The following OPCML variants were observed in gnomAD, a reference collection of about 807,000 sequenced individuals.
OPCML encodes the protein opioid-binding protein/cell adhesion molecule.
In OPCML, 13 loss-of-function variants were observed where a neutral mutation model predicts 37.8. The ratio of observed to expected loss-of-function variants is 0.34; its 90% CI spans 0.22 to 0.55. The LOEUF (loss-of-function observed/expected upper bound fraction) is 0.55, where lower values mean the gene tolerates loss of function less well. Among genes scored for constraint, OPCML ranks in the 20% least tolerant of loss-of-function variants. The pLI is 0.91. For synonymous variants in OPCML, 176 were observed against 168.8 expected, an observed-to-expected ratio of 1.04 and a Z score of -0.33; for missense variants, 341 against 435.6, an observed-to-expected ratio of 0.78 and a Z score of 1.93.
At chr11:132,709,704 T>C (rs1049017546) in intron 2 of OPCML, among the ~76,000 whole-genome samples, 2 of 152,158 alleles carry the variant, frequency 1.3e-5, no homozygotes, top group Non-Finnish European at 2.9e-5. Flanking sequence ...ATTCATGAGA[T>C]GATAGCCACT....
chr11:133,263,021 A>G (rs1941540938), intron 1 of OPCML, among the ~76,000 whole-genome samples: 1 of 151,658 alleles, frequency 6.6e-6, no homozygotes, highest in African/African-American at 2.4e-5. Flanking sequence ...CAAACCAATA[A>G]TGCAAGCAGA....
At chr11:132,469,495 G>A (rs1388983678) in intron 4 of OPCML, among the ~76,000 whole-genome samples, 1 of 150,572 alleles carries the variant, frequency 6.6e-6, no homozygotes, top group Admixed American at 6.6e-5. Context: ...GACTGTGTGT[G>A]TATGTATGTG....
intron 2 of OPCML, among the ~76,000 whole-genome samples, chr11:132,910,304 G>A (rs1011999321): frequency 2.0e-5 from 3 of 152,238 alleles, no homozygotes; most frequent in African/African-American, 7.2e-5. Context: ...CCCCCACAGG[G>A]GCAGGCCGGG....
At chr11:133,432,374 C>G (rs4506667) in intron 1 of OPCML, among the ~76,000 whole-genome samples, 1 of 151,738 alleles carries the variant, frequency 6.6e-6, no homozygotes, top group African/African-American at 2.4e-5. Flanking sequence ...AAAAAACACA[C>G]TTTTTTAGAA....
chr11:132,935,466 T>C (rs1324803733), intron 2 of OPCML, among the ~76,000 whole-genome samples: 2 of 152,226 alleles, frequency 1.3e-5, no homozygotes, highest in Non-Finnish European at 2.9e-5. Flanking sequence ...CAACCACTGA[T>C]AACATTCTTT....
intron 1 of OPCML, among the ~76,000 whole-genome samples, chr11:133,227,033 G>T (rs1294756388): frequency 6.6e-6 from 1 of 152,214 alleles, no homozygotes; most frequent in Non-Finnish European, 1.5e-5. Flanking sequence ...TGCCTCGGCT[G>T]ATGTGCCGGT....
chr11:133,326,146 C>T (rs886095322), intron 1 of OPCML, among the ~76,000 whole-genome samples: 4 of 152,014 alleles, frequency 2.6e-5, no homozygotes, highest in Admixed American at 2.6e-4. Flanking sequence ...CAGTTCATAA[C>T]TGAGTCCTCT....
At chr11:132,959,117 G>A (rs1468721853) in intron 1 of OPCML, among the ~76,000 whole-genome samples, 1 of 152,204 alleles carries the variant, frequency 6.6e-6, no homozygotes, top group African/African-American at 2.4e-5. Context: ...TGTGATTCAT[G>A]GAAGGAGGTC....
At chr11:133,161,213 A>G (rs1031427988) in intron 1 of OPCML, among the ~76,000 whole-genome samples, 4 of 152,254 alleles carry the variant, frequency 2.6e-5, no homozygotes, top group African/African-American at 9.6e-5. Flanking sequence ...GGCTGATTGC[A>G]GTGACAAGAT....
chr11:132,927,239 G>C (rs2659618), intron 2 of OPCML, among the ~76,000 whole-genome samples: 7,957 of 152,176 alleles, frequency 0.052, 314 homozygotes, highest in Middle Eastern at 0.15. Context: ...GATACCCACA[G>C]TGAGATACAT....
intron 4 of OPCML, among the ~76,000 whole-genome samples, chr11:132,504,490 T>C (rs576080131): frequency 1.3e-5 from 2 of 150,986 alleles, no homozygotes; most frequent in South Asian, 4.2e-4. Context: ...GGCTTTCTCA[T>C]GAGGGTGCAG....
At chr11:133,426,626 G>C (rs192387133) in intron 1 of OPCML, among the ~76,000 whole-genome samples, 1 of 152,120 alleles carries the variant, frequency 6.6e-6, no homozygotes, top group Non-Finnish European at 1.5e-5. Context: ...ACCATGCAAG[G>C]AGGCCAAAGT....
At chr11:133,496,073 T>C (rs1947780359) in intron 1 of OPCML, among the ~76,000 whole-genome samples, 1 of 152,224 alleles carries the variant, frequency 6.6e-6, no homozygotes, top group Non-Finnish European at 1.5e-5. Context: ...GAGTTGACTT[T>C]TGTATAATGT....
intron 1 of OPCML, among the ~76,000 whole-genome samples, chr11:132,965,140 C>CG (rs1206317463): frequency 2.0e-5 from 3 of 152,314 alleles, no homozygotes; most frequent in Middle Eastern, 3.4e-3. Flanking sequence ...TTCACCCTAT[C>CG]GCTTGTAAGC....
At chr11:133,024,699 G>A (rs987353360) in intron 1 of OPCML, 4 of 840,148 alleles carry the variant, frequency 4.8e-6, no homozygotes, top group Middle Eastern at 6.1e-4. Context: ...TGGGGGATGG[G>A]GAGGTTCTTA....
chr11:132,780,561 A>T (rs1474602442), intron 2 of OPCML, among the ~76,000 whole-genome samples: 1 of 152,228 alleles, frequency 6.6e-6, no homozygotes, highest in Non-Finnish European at 1.5e-5. Flanking sequence ...ATTAAAAATC[A>T]CTGGTTTCCT....
At chr11:132,509,741 T>A (rs2096264802) in intron 4 of OPCML, among the ~76,000 whole-genome samples, 1 of 152,114 alleles carries the variant, frequency 6.6e-6, no homozygotes, top group Admixed American at 6.5e-5. Flanking sequence ...TTTCAGAAGA[T>A]GTATGGAAAT....
intron 3 of OPCML, among the ~76,000 whole-genome samples, chr11:132,553,935 G>T (rs1189653438): frequency 6.6e-6 from 1 of 152,170 alleles, no homozygotes; most frequent in Non-Finnish European, 1.5e-5. Context: ...ATGAGCCAAA[G>T]CCTCCTTCCC....
intron 4 of OPCML, among the ~76,000 whole-genome samples, chr11:132,511,364 T>A (rs948650706): frequency 1.3e-5 from 2 of 152,142 alleles, no homozygotes; most frequent in Non-Finnish European, 2.9e-5. Context: ...TAACATATAA[T>A]TTAAATGCAT....
Sources: gnomAD v4.1 joint callset for allele counts (sites outside exome capture counted in the v4.1 genomes callset) on GRCh38, gnomAD v4.1.1 for gene constraint, MANE v1.5 for transcripts, NCBI Gene and HGNC (gene_info 2026-07-23, HGNC 2026-07-21) for gene names.